MAGI2: variants seen among roughly 807,000 people sequenced by gnomAD.
The protein encoded by MAGI2 is membrane-associated guanylate kinase, WW and PDZ domain-containing protein 2.
MAGI2 carries 35 observed loss-of-function variants against 133.3 expected under a neutral mutation model. The ratio of observed to expected loss-of-function variants is 0.26; its 90% CI spans 0.20 to 0.35. MAGI2 has a LOEUF of 0.35. Among genes scored for constraint, MAGI2 ranks in the 10% least tolerant of loss-of-function variants. The pLI is 1.00. For missense variants in MAGI2, 1,636 were observed against 1,863.4 expected (o/e 0.88, Z 2.25); for synonymous variants, 729 against 710.6 (o/e 1.03, Z -0.41).
chr7:78,613,699 G>A (rs1317113540), intron 3 of MAGI2, among the ~76,000 whole-genome samples: 1 of 152,142 alleles, frequency 6.6e-6, no homozygotes, highest in Non-Finnish European at 1.5e-5. Flanking sequence ...AGAAAAATAA[G>A]GAGTGTACTA....
At chr7:79,186,803 A>G (rs1044345812) in intron 1 of MAGI2, among the ~76,000 whole-genome samples, 1 of 147,662 alleles carries the variant, frequency 6.8e-6, no homozygotes, top group African/African-American at 2.5e-5. Context: ...ATATATATAT[A>G]TAAACATAGG....
At chr7:78,472,105 T>G (rs942915260) in intron 6 of MAGI2, among the ~76,000 whole-genome samples, 3 of 152,082 alleles carry the variant, frequency 2.0e-5, no homozygotes, top group African/African-American at 7.2e-5. Context: ...ACTCTCTGGA[T>G]AGTATCAAGT....
At chr7:78,181,207 AAGAAATCC>A (rs1827160116) in intron 13 of MAGI2, among the ~76,000 whole-genome samples, 1 of 152,128 alleles carries the variant, frequency 6.6e-6, no homozygotes, top group Admixed American at 6.6e-5. Flanking sequence ...ACTTAAAGTG[AAGAAATCC>A]AAGGGCCATC....
intron 20 of MAGI2, among the ~76,000 whole-genome samples, chr7:78,092,005 C>T (rs1335311825): frequency 6.6e-6 from 1 of 152,108 alleles, no homozygotes; most frequent in Non-Finnish European, 1.5e-5. Context: ...GTCTGAATTT[C>T]CCTGGTCACT....
At chr7:78,595,288 T>G (rs1419076218) in intron 3 of MAGI2, among the ~76,000 whole-genome samples, 1 of 152,202 alleles carries the variant, frequency 6.6e-6, no homozygotes. Context: ...TGAGACAATA[T>G]ATAACCTATG....
intron 2 of MAGI2, among the ~76,000 whole-genome samples, chr7:78,673,196 T>A (rs1814596206): frequency 6.6e-6 from 1 of 152,146 alleles, no homozygotes; most frequent in Admixed American, 6.6e-5. Context: ...TAATGACATT[T>A]ATAAATTTTT....
At chr7:79,045,962 T>C (rs1050578900) in intron 1 of MAGI2, among the ~76,000 whole-genome samples, 4 of 152,196 alleles carry the variant, frequency 2.6e-5, no homozygotes, top group Non-Finnish European at 5.9e-5. Context: ...AGTGTCAAAT[T>C]GCTGGTTTTG....
chr7:79,211,662 C>G (rs1829506921), intron 1 of MAGI2, among the ~76,000 whole-genome samples: 1 of 151,740 alleles, frequency 6.6e-6, no homozygotes, highest in African/African-American at 2.4e-5. Flanking sequence ...TTCTTATTTT[C>G]CTTATGTTTT....
chr7:78,339,354 A>G (rs185381359), intron 9 of MAGI2, among the ~76,000 whole-genome samples: 1 of 151,952 alleles, frequency 6.6e-6, no homozygotes, highest in South Asian at 2.1e-4. Context: ...AATTCTAAAT[A>G]AAGCTTTGAC....
chr7:78,918,323 T>C (rs116403271), intron 2 of MAGI2, among the ~76,000 whole-genome samples: 27 of 152,314 alleles, frequency 1.8e-4, no homozygotes, highest in African/African-American at 6.3e-4. Flanking sequence ...ATACCATATC[T>C]ATGATGATAA....
chr7:78,508,810 G>A (rs1363875326), intron 4 of MAGI2, among the ~76,000 whole-genome samples: 3 of 152,070 alleles, frequency 2.0e-5, no homozygotes, highest in African/African-American at 7.2e-5. Flanking sequence ...TGATTAGGAA[G>A]TGGCTAAGTA....
At chr7:78,359,899 A>C (rs1792595155) in intron 7 of MAGI2, among the ~76,000 whole-genome samples, 2 of 152,252 alleles carry the variant, frequency 1.3e-5, no homozygotes, top group Admixed American at 1.3e-4. Context: ...TAAAAGCCAG[A>C]GAGGTTAAAT....
At chr7:78,735,235 A>G (rs2151236258) in intron 2 of MAGI2, among the ~76,000 whole-genome samples, 1 of 152,216 alleles carries the variant, frequency 6.6e-6, no homozygotes, top group South Asian at 2.1e-4. Context: ...AAGACCTTAT[A>G]TTTCTTTGTT....
At chr7:79,148,443 C>T (rs991569258) in intron 1 of MAGI2, among the ~76,000 whole-genome samples, 5 of 152,140 alleles carry the variant, frequency 3.3e-5, no homozygotes, top group Non-Finnish European at 5.9e-5. Flanking sequence ...GGTGAAATTA[C>T]GGTGGTCTCT....
At chr7:78,394,161 C>T (rs1796138373) in intron 6 of MAGI2, among the ~76,000 whole-genome samples, 1 of 152,130 alleles carries the variant, frequency 6.6e-6, no homozygotes, top group Non-Finnish European at 1.5e-5. Context: ...TTAAACTGTT[C>T]TGGAAGCACT....
intron 21 of MAGI2, among the ~76,000 whole-genome samples, chr7:78,062,760 C>A (rs1352172038): frequency 1.3e-5 from 2 of 152,190 alleles, no homozygotes; most frequent in Non-Finnish European, 2.9e-5. Context: ...ATCCAAGTGC[C>A]CTGTTTCTGG....
intron 3 of MAGI2, among the ~76,000 whole-genome samples, chr7:78,622,888 C>T (rs1341998593): frequency 6.6e-6 from 1 of 151,896 alleles, no homozygotes; most frequent in African/African-American, 2.4e-5. Context: ...TGGAAGTCAG[C>T]CTCACTCTCC....
chr7:79,094,050 A>G (rs1030287726), intron 1 of MAGI2, among the ~76,000 whole-genome samples: 2 of 152,274 alleles, frequency 1.3e-5, no homozygotes, highest in East Asian at 1.9e-4. Context: ...AATTTAGCAT[A>G]TCAATGGACT....
chr7:78,121,354 A>C (rs1820459861), intron 20 of MAGI2, among the ~76,000 whole-genome samples: 1 of 152,198 alleles, frequency 6.6e-6, no homozygotes, highest in Non-Finnish European at 1.5e-5. Flanking sequence ...TATCACATTA[A>C]TTGATGAAAA....
Sources: allele counts gnomAD v4.1 joint callset (sites outside exome capture counted in the v4.1 genomes callset), GRCh38; gene constraint gnomAD v4.1.1; transcripts MANE v1.5; gene names NCBI Gene and HGNC (gene_info 2026-07-23, HGNC 2026-07-21).